The following C12orf42 variants were observed in gnomAD, a reference collection of about 807,000 sequenced individuals.
The protein encoded by C12orf42 is uncharacterized protein C12orf42.
A neutral mutation model predicts 21.6 loss-of-function variants in C12orf42; 25 were observed. The observed-to-expected ratio is 1.16, with a 90% CI of 0.84 to 1.62. C12orf42 has a LOEUF of 1.62. Ranked by LOEUF, C12orf42 falls within the 40% of genes most tolerant of loss-of-function variation. The pLI is 0.00. For synonymous variants in C12orf42, 174 were observed against 175.0 expected (o/e 0.99, Z 0.05); for missense variants, 483 against 459.3 (o/e 1.05, Z -0.47).
chr12:103,108,239 C>T, the C12orf42 span, among the ~76,000 whole-genome samples: 1 of 151,604 alleles, frequency 6.6e-6, no homozygotes, highest in Non-Finnish European at 1.5e-5. Flanking sequence ...CTTAAACTTT[C>T]CAAGAACAAT....
the C12orf42 span, among the ~76,000 whole-genome samples, chr12:103,223,183 G>A: frequency 6.6e-6 from 1 of 152,098 alleles, no homozygotes; most frequent in African/African-American, 2.4e-5. Flanking sequence ...GTGTTGGGGT[G>A]GCGAAAATTT....
chr12:103,270,560 T>TTTTA lies in C12orf42; in HGVS notation n.399-711_399-708dup, dbSNP rs139951957. On this transcript the variant is annotated intron_variant and non_coding_transcript_variant, in intron 5 of 6. Transcript: ENST00000546526. ...TTTTTAAGATTTGATCAATATTTTA[T>TTTTA]TTTATTTATTTATTTATTTATTTTA... 3.8e-4 allele frequency among the ~76,000 whole-genome samples: 56 copies of TTTTA among 148,494 alleles called. 2 individuals are homozygous for TTTTA. Among genetic ancestry groups the TTTTA allele is most frequent in the Admixed American group, 2.0e-3 (30 of 14,914 alleles).
At chr12:103,425,828 C>T (rs1949763110) in intron 2 of C12orf42, among the ~76,000 whole-genome samples, 1 of 152,130 alleles carries the variant, frequency 6.6e-6, no homozygotes, top group Admixed American at 6.5e-5. Context: ...GAGAGGCAGT[C>T]TGGCTACAGT....
the C12orf42 span, among the ~76,000 whole-genome samples, chr12:103,212,427 G>A: frequency 6.6e-6 from 1 of 152,020 alleles, no homozygotes; most frequent in African/African-American, 2.4e-5. Flanking sequence ...TTGTTCTTTA[G>A]TGTCTCAAAT....
the C12orf42 span, among the ~76,000 whole-genome samples, chr12:103,120,124 G>A: frequency 1.3e-5 from 2 of 152,214 alleles, no homozygotes; most frequent in Non-Finnish European, 2.9e-5. Context: ...CTGCTATGTG[G>A]TGAGCACTGT....
At chr12:103,228,965 C>A in the C12orf42 span, among the ~76,000 whole-genome samples, 1 of 151,948 alleles carries the variant, frequency 6.6e-6, no homozygotes, top group East Asian at 1.9e-4. Context: ...TCACTGGTTT[C>A]TTCCAGTCTA....
chr12:103,294,432 A>AAGAG (rs2037036412), intron 4 of C12orf42, among the ~76,000 whole-genome samples: 1 of 86,224 alleles, frequency 1.2e-5, no homozygotes, highest in East Asian at 3.4e-4. Flanking sequence ...GAGAGAGAGA[A>AAGAG]AGAAAGAAAG....
the C12orf42 span, chr12:103,155,320 G>A: frequency 4.6e-5 from 7 of 152,296 alleles, no homozygotes; most frequent in African/African-American, 1.4e-4. Flanking sequence ...GAGACCTCAA[G>A]CTGTTGGGAA....
intron 10 of C12orf42, among the ~76,000 whole-genome samples, chr12:103,245,173 T>A (rs2033949761): frequency 6.6e-6 from 1 of 152,096 alleles, no homozygotes; most frequent in Admixed American, 6.6e-5. Context: ...ACTAATACTA[T>A]TATGTTGAGT....
the C12orf42 span, among the ~76,000 whole-genome samples, chr12:103,192,069 A>G: frequency 6.6e-6 from 1 of 152,178 alleles, no homozygotes; most frequent in Non-Finnish European, 1.5e-5. Flanking sequence ...GGAAAGGAGG[A>G]ACAAAAGAAC....
the C12orf42 span, among the ~76,000 whole-genome samples, chr12:103,215,704 A>C: frequency 8.5e-5 from 13 of 152,370 alleles, no homozygotes; most frequent in African/African-American, 3.1e-4. Flanking sequence ...TGAATGATCA[A>C]GAAAGTGCAC....
the C12orf42 span, among the ~76,000 whole-genome samples, chr12:103,138,264 G>A: frequency 6.6e-6 from 1 of 152,308 alleles, no homozygotes; most frequent in South Asian, 2.1e-4. Flanking sequence ...TCATGTTGAA[G>A]TGTAATCCCC....
chr12:103,523,859 C>T, the C12orf42 span, among the ~76,000 whole-genome samples: 1 of 150,938 alleles, frequency 6.6e-6, no homozygotes, highest in Non-Finnish European at 1.5e-5. Context: ...GTGTAGGGAA[C>T]TTGCCCAAGA....
chr12:103,401,674 T>G lies in C12orf42; in HGVS notation c.80A>C (p.Lys27Thr). ...TIRPFANRMQ[K>T]SPCYIPIVSS... ...CACAATGGGAATATAGCAAGGGGAT[T>G]TCTGAAACATTAGAAACAAGGCATT... is the stretch of plus-strand genomic sequence containing the variant. The change falls in exon 3 of 6, where the codon AAA becomes ACA. Residue 27 changes from lysine to threonine, a missense_variant and splice_region_variant. Coordinates refer to ENST00000548883, the MANE Select transcript of C12orf42 (RefSeq NM_198521.5). 6.2e-7 allele frequency: 1 copy of G among 1,613,308 alleles called. No homozygotes were observed. The highest frequency in any genetic ancestry group is 1.3e-5 in the African/African-American group (1 of 75,000).
At chr12:103,112,494 T>C in the C12orf42 span, among the ~76,000 whole-genome samples, 198 of 152,108 alleles carry the variant, frequency 1.3e-3, 3 homozygotes, top group East Asian at 0.031. Flanking sequence ...ACCCTGTGTC[T>C]ACTAAAATAC....
the C12orf42 span, among the ~76,000 whole-genome samples, chr12:103,155,873 A>G: frequency 4.0e-5 from 6 of 150,892 alleles, no homozygotes; most frequent in African/African-American, 1.2e-4. Flanking sequence ...ATATACATAT[A>G]TACATATATG....
intron 2 of C12orf42, among the ~76,000 whole-genome samples, chr12:103,444,770 T>G (rs1166770197): frequency 1.3e-5 from 2 of 152,096 alleles, no homozygotes; most frequent in East Asian, 3.9e-4. Flanking sequence ...TACATCAAAG[T>G]TATGTTGACT....
At chr12:103,055,456 C>T in the C12orf42 span, among the ~76,000 whole-genome samples, 1 of 151,850 alleles carries the variant, frequency 6.6e-6, no homozygotes, top group Non-Finnish European at 1.5e-5. Context: ...CTCATTTTGT[C>T]AGTCTTACTT....
chr12:103,171,922 A>G, the C12orf42 span, among the ~76,000 whole-genome samples: 1 of 152,156 alleles, frequency 6.6e-6, no homozygotes, highest in African/African-American at 2.4e-5. Flanking sequence ...GGTGGGGATA[A>G]CACAGGGAGA....
Sources: allele counts gnomAD v4.1 joint callset (sites outside exome capture counted in the v4.1 genomes callset), GRCh38; gene constraint gnomAD v4.1.1; transcripts MANE v1.5; gene names NCBI Gene and HGNC (gene_info 2026-07-23, HGNC 2026-07-21).